Variants in PRDM15 observed in about 807,000 individuals in gnomAD.
PRDM15 encodes the protein PR domain zinc finger protein 15.
Under a neutral mutation model 128.6 loss-of-function variants are expected in PRDM15, and 64 were observed. The ratio of observed to expected loss-of-function variants is 0.50; its 90% CI spans 0.41 to 0.61. PRDM15 has a LOEUF of 0.61. Among genes scored for constraint, PRDM15 ranks in the 20% least tolerant of loss-of-function variants. The pLI is 0.00. For missense variants in PRDM15, 1,242 were observed against 1,569.1 expected (o/e 0.79, Z 3.52); for synonymous variants, 615 against 621.8 (o/e 0.99, Z 0.16).
chr21:41,832,359 A>G lies in PRDM15; in HGVS notation c.1366+3078T>C, dbSNP rs1164479381. Reference sequence around the variant, plus strand: ...TACAGCACTGTGGCATCGGATCACCACAGGCCACACCTTTACAGCACTGTG... The same window carrying G: ...TACAGCACTGTGGCATCGGATCACCGCAGGCCACACCTTTACAGCACTGTG... On this transcript the variant is annotated intron_variant, in intron 11 of 23. Transcript: ENST00000398548. This position sits in a 1 kb window ranked among gnomAD's most constrained non-coding sequence, Gnocchi z 4.2. Among the ~76,000 whole-genome samples the G allele has an allele frequency of 6.6e-6, 1 of 151,976 alleles. No homozygotes were observed. Among genetic ancestry groups the G allele is most frequent in the East Asian group, 1.9e-4 (1 of 5,150 alleles).
Position 41,834,022 on chromosome 21 carries a change from T to C in PRDM15, c.1366+1415A>G, listed in dbSNP as rs137954376. On this transcript the variant is annotated intron_variant, in intron 11 of 23. Coordinates refer to ENST00000398548, the MANE Select transcript of PRDM15 (RefSeq NM_001040424.3). ...CCGGGGCTGCGTTAAGTGGAAGTCT[T>C]CAGGGGACTGTGCCCCAGGTTTCTT... Among the ~76,000 whole-genome samples the C allele has an allele frequency of 2.5e-3, 375 of 152,296 alleles. 2 individuals carry two copies. Among genetic ancestry groups the C allele is most frequent in the African/African-American group, 8.5e-3 (352 of 41,560 alleles).
At chr21:41,878,381 G>C (rs2064496688) in intron 1 of PRDM15, among the ~76,000 whole-genome samples, 1 of 152,192 alleles carries the variant, frequency 6.6e-6, no homozygotes, top group African/African-American at 2.4e-5. Context: ...CTACATTAGG[G>C]GGTTAAGAAA....
intron 1 of PRDM15, chr21:41,878,559 CCGGGCACG>C (rs1293986615): frequency 2.2e-6 from 1 of 454,358 alleles, no homozygotes; most frequent in Non-Finnish European, 3.9e-6. Flanking sequence ...ACCTGAGCGG[CCGGGCACG>C]CCCCGTCCCC....
intron 10 of PRDM15, among the ~76,000 whole-genome samples, 156 bp downstream of exon 10, chr21:41,835,957 C>T (rs928169229): frequency 1.1e-4 from 11 of 99,984 alleles, no homozygotes; most frequent in African/African-American, 3.7e-4. Context: ...TCCTCCCTCC[C>T]CCACAGCCCC....
At chr21:41,842,734 CT>C (rs2063111765) in intron 6 of PRDM15, among the ~76,000 whole-genome samples, 1 of 150,272 alleles carries the variant, frequency 6.7e-6, no homozygotes, top group African/African-American at 2.5e-5. Flanking sequence ...CGTGATCTGC[CT>C]GCCTCGGCCT....
intron 1 of PRDM15, among the ~76,000 whole-genome samples, chr21:41,866,419 T>C (rs8131888): frequency 0.4 from 61,007 of 151,932 alleles, 12,378 homozygotes; most frequent in African/African-American, 0.46. Flanking sequence ...CCATCCCCCG[T>C]CCATGACAGG....
chr21:41,847,964 C>T (rs578143618), intron 5 of PRDM15, among the ~76,000 whole-genome samples: 1 of 152,342 alleles, frequency 6.6e-6, no homozygotes, highest in South Asian at 2.1e-4. Flanking sequence ...TGCTCTTGTG[C>T]AACCTACAAT....
intron 1 of PRDM15, among the ~76,000 whole-genome samples, chr21:41,874,529 T>TTTTTTTTTG (rs1569031424): frequency 2.3e-4 from 31 of 133,436 alleles, no homozygotes; most frequent in African/African-American, 8.2e-4. Context: ...ATATATATTT[T>TTTTTTTTTG]TTTTTTTTTT....
chr21:41,873,169 C>G (rs1452365415), intron 1 of PRDM15, among the ~76,000 whole-genome samples: 1 of 152,208 alleles, frequency 6.6e-6, no homozygotes, highest in African/African-American at 2.4e-5. Flanking sequence ...CCTGGGGGCG[C>G]CTGGTTCCTT....
chr21:41,854,378 C>G lies in PRDM15; in HGVS notation c.538+188G>C, dbSNP rs897008307. Among the ~76,000 whole-genome samples the G allele has an allele frequency of 6.6e-6, 1 of 152,184 alleles. No homozygotes were observed. The highest frequency in any genetic ancestry group is 1.5e-5 in the Non-Finnish European group (1 of 68,044). ...CTTGTGTTACATCCACGTGCCCAAACTGACCAAGGATGTTTAAAACAAGCA... is the reference window on the plus strand; with the variant it reads ...CTTGTGTTACATCCACGTGCCCAAAGTGACCAAGGATGTTTAAAACAAGCA... On this transcript the variant is annotated intron_variant, in intron 5 of 23. Transcript: ENST00000398548. This position sits in a 1 kb window ranked among gnomAD's most constrained non-coding sequence, Gnocchi z 4.6.
chr21:41,822,759 G>A (rs1358492335), intron 14 of PRDM15, among the ~76,000 whole-genome samples: 5 of 152,316 alleles, frequency 3.3e-5, no homozygotes, highest in Middle Eastern at 3.4e-3. Context: ...TTGGGGTGGG[G>A]CATGGTGGCT....
chr21:41,819,973 G>A (rs2062194358), intron 17 of PRDM15, 122 bp downstream of exon 17: 2 of 860,504 alleles, frequency 2.3e-6, no homozygotes, highest in Non-Finnish European at 3.7e-6. Context: ...AGAAACAGAG[G>A]AAGGCATGGG....
At chr21:41,852,289 C>T (rs965426963) in intron 5 of PRDM15, among the ~76,000 whole-genome samples, 14 of 152,262 alleles carry the variant, frequency 9.2e-5, no homozygotes, top group African/African-American at 1.2e-4. Context: ...ACCCAAACCC[C>T]GGCGTGGCTG....
At chr21:41,806,808 T>C (rs1245382850) in intron 21 of PRDM15, among the ~76,000 whole-genome samples, 3 of 142,000 alleles carry the variant, frequency 2.1e-5, no homozygotes, top group Non-Finnish European at 3.1e-5. Context: ...CACCGCCTCC[T>C]CCATCACTAT....
At position 41,815,722 on chromosome 21, in the gene PRDM15, TGCTTGA is replaced by T. The variant is rs1283988506; in HGVS notation, c.2369_2374del (p.Leu790_Lys791del). 1 of 1,613,862 alleles carries T rather than the reference TGCTTGA, an allele frequency of 6.2e-7. No individual in the cohort carries two copies. Among genetic ancestry groups the T allele is most frequent in the Non-Finnish European group, 8.5e-7 (1 of 1,179,940 alleles). The stretch of plus-strand genomic sequence containing the variant: ...GGACTCACCCGTGTGCCGCTTGCAG[TGCTTGA>T]GCATGTTGACCTTCTGCGCGAACCT... On this transcript the variant is annotated inframe_deletion, in exon 19 of 24. Transcript: ENST00000398548.
intron 23 of PRDM15, among the ~76,000 whole-genome samples, chr21:41,802,423 C>G (rs935425396): frequency 2.0e-5 from 3 of 152,200 alleles, no homozygotes; most frequent in Non-Finnish European, 4.4e-5. Flanking sequence ...GTGACCTCCC[C>G]AAACTGCAAA....
chr21:41,869,926 C>CT (rs1555892969), intron 1 of PRDM15, among the ~76,000 whole-genome samples: 3 of 152,264 alleles, frequency 2.0e-5, no homozygotes, highest in Non-Finnish European at 4.4e-5. Context: ...TTACGTGCAT[C>CT]TATGCCTGGG....
At chr21:41,857,137 C>T in intron 4 of PRDM15, 39 bp downstream of exon 4, 1 of 1,582,226 alleles carries the variant, frequency 6.3e-7, no homozygotes, top group South Asian at 1.1e-5. Flanking sequence ...GCCAGAAAAA[C>T]ACCCAGTTCC....
At chr21:41,825,915 G>A (rs1329330552) in intron 13 of PRDM15, 45 bp downstream of exon 13, 3 of 1,399,004 alleles carry the variant, frequency 2.1e-6, no homozygotes, top group Admixed American at 1.7e-5. Context: ...TGAAGAAAAT[G>A]ATGTGCTTTC....
Sources: allele counts gnomAD v4.1 joint callset (sites outside exome capture counted in the v4.1 genomes callset), GRCh38; gene constraint gnomAD v4.1.1; non-coding constraint Gnocchi (gnomAD v3.1); transcripts MANE v1.5; gene names NCBI Gene and HGNC (gene_info 2026-07-23, HGNC 2026-07-21).